The following STARD3NL variants were observed in gnomAD, a reference collection of about 807,000 sequenced individuals.
The protein encoded by STARD3NL is STARD3 N-terminal like.
Under a neutral mutation model 30.9 loss-of-function variants are expected in STARD3NL, and 17 were observed. That is an observed-to-expected ratio of 0.55 (90% CI 0.38 to 0.82). The LOEUF is 0.82. Ranked by LOEUF, STARD3NL falls within the 40% of genes least tolerant of loss-of-function variation. STARD3NL has a pLI of 0.00. For missense variants in STARD3NL, 234 were observed against 277.6 expected (o/e 0.84, Z 1.12); for synonymous variants, 112 against 100.5 (o/e 1.11, Z -0.69).
intron 1 of STARD3NL, among the ~76,000 whole-genome samples, chr7:38,204,542 T>C (rs1473838188): frequency 6.6e-6 from 1 of 152,034 alleles, no homozygotes; most frequent in African/African-American, 2.4e-5. Flanking sequence ...AGGAAAGATC[T>C]AAAATTGACA....
chr7:38,209,930 C>T (rs966324464), intron 2 of STARD3NL, among the ~76,000 whole-genome samples: 2 of 152,152 alleles, frequency 1.3e-5, no homozygotes, highest in African/African-American at 4.8e-5. Flanking sequence ...ACTTTTCCAC[C>T]AACTACTAGT....
At chr7:38,213,345 C>T (rs1419312884) in intron 2 of STARD3NL, among the ~76,000 whole-genome samples, 1 of 152,154 alleles carries the variant, frequency 6.6e-6, no homozygotes, top group East Asian at 1.9e-4. Flanking sequence ...GAAATGTAGA[C>T]CTCCTTAAGG....
intron 7 of STARD3NL, among the ~76,000 whole-genome samples, chr7:38,228,338 G>T (rs574512774): frequency 1.3e-5 from 2 of 152,286 alleles, no homozygotes; most frequent in Admixed American, 1.3e-4. Flanking sequence ...AAGCTCATGA[G>T]ACATTGATCC....
intron 1 of STARD3NL, among the ~76,000 whole-genome samples, chr7:38,183,362 A>G (rs1784323928): frequency 1.3e-5 from 2 of 152,208 alleles, no homozygotes; most frequent in African/African-American, 4.8e-5. Context: ...GATGTTTAGC[A>G]GCATCTCTGG....
intron 1 of STARD3NL, among the ~76,000 whole-genome samples, chr7:38,190,921 T>G (rs114731198): frequency 0.012 from 1,886 of 152,270 alleles, 51 homozygotes; most frequent in African/African-American, 0.044. Flanking sequence ...TTATCACAAT[T>G]GATGTTATAT....
intron 6 of STARD3NL, among the ~76,000 whole-genome samples, chr7:38,217,881 A>G (rs1786215186): frequency 6.6e-6 from 1 of 152,174 alleles, no homozygotes; most frequent in Non-Finnish European, 1.5e-5. Context: ...CAGGAGGATG[A>G]CAGCAAGCCA....
intron 7 of STARD3NL, among the ~76,000 whole-genome samples, chr7:38,221,673 G>A (rs569142882): frequency 4.3e-4 from 65 of 152,322 alleles, no homozygotes; most frequent in African/African-American, 1.5e-3. Flanking sequence ...TATAGACTTG[G>A]TCATGCCAGT....
intron 1 of STARD3NL, among the ~76,000 whole-genome samples, chr7:38,197,711 C>T (rs754704283): frequency 6.6e-5 from 10 of 152,178 alleles, no homozygotes; most frequent in Non-Finnish European, 1.3e-4. Flanking sequence ...TAGAATATGA[C>T]GGTGACGCTG....
chr7:38,193,533 C>T (rs1400338827), intron 1 of STARD3NL, among the ~76,000 whole-genome samples: 1 of 152,152 alleles, frequency 6.6e-6, no homozygotes, highest in Non-Finnish European at 1.5e-5. Flanking sequence ...CTCCTGACCT[C>T]ATGATCCACC....
At chr7:38,226,428 T>G (rs1786772142) in intron 7 of STARD3NL, among the ~76,000 whole-genome samples, 1 of 152,152 alleles carries the variant, frequency 6.6e-6, no homozygotes, top group African/African-American at 2.4e-5. Flanking sequence ...GCCTACTGAT[T>G]AGGCAGAGCC....
At chr7:38,199,765 T>C (rs1340214761) in intron 1 of STARD3NL, among the ~76,000 whole-genome samples, 1 of 152,228 alleles carries the variant, frequency 6.6e-6, no homozygotes, top group Non-Finnish European at 1.5e-5. Flanking sequence ...TTCTCTTTAC[T>C]CATTAAAAGG....
chr7:38,202,895 A>G (rs939786311), intron 1 of STARD3NL, among the ~76,000 whole-genome samples: 107 of 152,010 alleles, frequency 7.0e-4, no homozygotes, highest in African/African-American at 2.3e-3. Context: ...CCTACAAAGG[A>G]CATGAACTCA....
chr7:38,196,380 C>T (rs191705011), intron 1 of STARD3NL, among the ~76,000 whole-genome samples: 47 of 152,206 alleles, frequency 3.1e-4, no homozygotes, highest in Non-Finnish European at 5.6e-4. Flanking sequence ...CATTGCTTGG[C>T]TTGTGAGCTA....
intron 2 of STARD3NL, among the ~76,000 whole-genome samples, chr7:38,210,478 G>A (rs1785735011): frequency 6.6e-6 from 1 of 152,170 alleles, no homozygotes. Context: ...CTCAAATGCA[G>A]GGCTCGGTGA....
intron 1 of STARD3NL, among the ~76,000 whole-genome samples, chr7:38,188,751 G>A (rs1278057826): frequency 2.0e-5 from 3 of 152,106 alleles, no homozygotes; most frequent in African/African-American, 7.2e-5. Flanking sequence ...CATTTACCCA[G>A]CCATCTTTAA....
chr7:38,185,503 G>A (rs1163102281), intron 1 of STARD3NL, among the ~76,000 whole-genome samples: 1 of 152,166 alleles, frequency 6.6e-6, no homozygotes, highest in Non-Finnish European at 1.5e-5. Flanking sequence ...GGTCTCAGCT[G>A]TCTCCTGGGG....
intron 1 of STARD3NL, chr7:38,202,131 A>G (rs889698551): frequency 6.6e-6 from 1 of 152,228 alleles, no homozygotes; most frequent in Non-Finnish European, 1.5e-5. Flanking sequence ...AAGAGCTGCT[A>G]CTGGGGAATA....
intron 2 of STARD3NL, among the ~76,000 whole-genome samples, chr7:38,213,597 A>G (rs543893879): frequency 1.3e-5 from 2 of 150,558 alleles, no homozygotes; most frequent in Admixed American, 1.3e-4. Flanking sequence ...AGGCTAATCC[A>G]GGGGCTCTGA....
At chr7:38,214,582 A>G (rs1349014578) in intron 3 of STARD3NL, 148 bp downstream of exon 3, 17 of 550,358 alleles carry the variant, frequency 3.1e-5, no homozygotes, top group Non-Finnish European at 4.7e-5. Flanking sequence ...CACCCATTCA[A>G]TGTTCTCTCT....
Sources: gnomAD v4.1 joint callset for allele counts (sites outside exome capture counted in the v4.1 genomes callset) on GRCh38, gnomAD v4.1.1 for gene constraint, MANE v1.5 for transcripts, NCBI Gene and HGNC (gene_info 2026-07-23, HGNC 2026-07-21) for gene names.